The following GPC5 variants were observed in gnomAD, a reference collection of about 807,000 sequenced individuals.
The protein encoded by GPC5 is glypican 5, also known as glypican-5.
Under a neutral mutation model 53.9 loss-of-function variants are expected in GPC5, and 47 were observed. That is an observed-to-expected ratio of 0.87 (90% CI 0.69 to 1.11). GPC5 has a LOEUF of 1.11. Ranked by LOEUF, GPC5 falls within the 50% of genes most tolerant of loss-of-function variation. The pLI is 0.00. For missense variants in GPC5, 748 were observed against 713.1 expected, an observed-to-expected ratio of 1.05 and a Z score of -0.56; for synonymous variants, 286 against 263.3, an observed-to-expected ratio of 1.09 and a Z score of -0.84.
At chr13:92,422,628 C>G (rs1263730201) in intron 7 of GPC5, among the ~76,000 whole-genome samples, 1 of 152,090 alleles carries the variant, frequency 6.6e-6, no homozygotes, top group Non-Finnish European at 1.5e-5. Flanking sequence ...GTTCAACTGT[C>G]TTCTTCCCAT....
intron 7 of GPC5, among the ~76,000 whole-genome samples, chr13:92,326,763 G>T (rs981184627): frequency 6.6e-6 from 1 of 152,002 alleles, no homozygotes; most frequent in African/African-American, 2.4e-5. Context: ...AAAGTAATTT[G>T]GGTAATTCTT....
chr13:91,777,575 G>A (rs980449879), intron 5 of GPC5, among the ~76,000 whole-genome samples: 10 of 152,142 alleles, frequency 6.6e-5, no homozygotes, highest in Non-Finnish European at 1.0e-4. Flanking sequence ...AGTATGTTCC[G>A]TGAAGGCGCT....
chr13:91,935,412 A>G (rs979487699), intron 6 of GPC5, among the ~76,000 whole-genome samples: 5 of 151,970 alleles, frequency 3.3e-5, no homozygotes, highest in African/African-American at 1.2e-4. Flanking sequence ...GAAACCAGAG[A>G]GCTACTAGTT....
rs2042297718 is a variant in GPC5 at position 92,201,887 on chromosome 13, G to A, written c.1561+56898G>A. 3.3e-5 allele frequency among the ~76,000 whole-genome samples: 5 copies of A among 152,226 alleles called. No homozygotes were observed. In the South Asian group the frequency reaches 1.0e-3, roughly 32 times the overall value. Reference sequence around the variant, plus strand: ...GATGTCAACAAAATACAGTAATAAGGGAAATTGATTTTTACTTCATGGAAG... The same window carrying A: ...GATGTCAACAAAATACAGTAATAAGAGAAATTGATTTTTACTTCATGGAAG... On this transcript the variant is annotated intron_variant, in intron 7 of 7. Coordinates refer to ENST00000377067, the MANE Select transcript of GPC5 (RefSeq NM_004466.6).
chr13:92,711,850 A>G (rs1313763606), intron 7 of GPC5, among the ~76,000 whole-genome samples: 1 of 152,052 alleles, frequency 6.6e-6, no homozygotes, highest in African/African-American at 2.4e-5. Context: ...AAGTTTCAAG[A>G]GAAAAAAATA....
chr13:91,590,064 G>T (rs149625022), intron 2 of GPC5, among the ~76,000 whole-genome samples: 2 of 151,534 alleles, frequency 1.3e-5, no homozygotes, highest in African/African-American at 2.4e-5. Flanking sequence ...TCAATATTTT[G>T]TTTTATAAAT....
intron 2 of GPC5, among the ~76,000 whole-genome samples, chr13:91,615,956 G>C (rs1026184486): frequency 6.6e-6 from 1 of 152,024 alleles, no homozygotes; most frequent in South Asian, 2.1e-4. Context: ...CTGAGAATCA[G>C]ATTTACCATT....
intron 7 of GPC5, among the ~76,000 whole-genome samples, chr13:92,603,830 G>C (rs953784234): frequency 2.6e-5 from 4 of 152,150 alleles, no homozygotes; most frequent in Non-Finnish European, 4.4e-5. Flanking sequence ...CTTCTCCATA[G>C]CCAAAACTAC....
At chr13:91,657,515 G>A (rs893239642) in intron 2 of GPC5, among the ~76,000 whole-genome samples, 1 of 152,062 alleles carries the variant, frequency 6.6e-6, no homozygotes, top group Non-Finnish European at 1.5e-5. Context: ...GGCCAAGGGT[G>A]CTGTTTAGGA....
chr13:91,947,605 A>G, intron 6 of GPC5, among the ~76,000 whole-genome samples: 1 of 152,130 alleles, frequency 6.6e-6, no homozygotes, highest in Non-Finnish European at 1.5e-5. Context: ...AGCTCATATA[A>G]TTCTTGCTGC....
chr13:91,564,559 T>C (rs1174921367), intron 2 of GPC5, among the ~76,000 whole-genome samples: 1 of 152,138 alleles, frequency 6.6e-6, no homozygotes, highest in Non-Finnish European at 1.5e-5. Context: ...ATGAGTGAAT[T>C]TTAATGTATT....
At chr13:91,648,691 C>T (rs573999807) in intron 2 of GPC5, among the ~76,000 whole-genome samples, 2 of 149,380 alleles carry the variant, frequency 1.3e-5, no homozygotes, top group South Asian at 2.1e-4. Context: ...TGCCATAAAA[C>T]ATACATACAC....
chr13:92,259,555 A>G (rs2042750821), intron 7 of GPC5, among the ~76,000 whole-genome samples: 1 of 152,132 alleles, frequency 6.6e-6, no homozygotes, highest in South Asian at 2.1e-4. Context: ...CTACCCTATC[A>G]TTCCCATCCT....
At chr13:92,694,813 A>G (rs539740473) in intron 7 of GPC5, among the ~76,000 whole-genome samples, 5 of 152,166 alleles carry the variant, frequency 3.3e-5, no homozygotes, top group Non-Finnish European at 7.3e-5. Context: ...CTGAGATTTC[A>G]GAGGGGGGCA....
intron 7 of GPC5, among the ~76,000 whole-genome samples, chr13:92,514,231 A>C (rs1284542553): frequency 1.4e-5 from 2 of 143,490 alleles, no homozygotes; most frequent in Non-Finnish European, 3.0e-5. Flanking sequence ...ATTTTAATAT[A>C]TTTTCTCTCA....
rs1321578881 is a variant in GPC5 at position 92,390,754 on chromosome 13, A to G, written c.1561+245765A>G. ...AGAAAAAAAAGCAATTTTTCAGAAG[A>G]TGAATATGTGTTTTATCAAGTATAT... On this transcript the variant is annotated intron_variant, in intron 7 of 7. Transcript: ENST00000377067. Among the ~76,000 whole-genome samples, 3 of 152,156 alleles carry G rather than the reference A, an allele frequency of 2.0e-5. No homozygotes were observed. In the East Asian group the frequency reaches 5.8e-4, roughly 29 times the overall value.
intron 6 of GPC5, among the ~76,000 whole-genome samples, chr13:92,024,718 A>G (rs566638881): frequency 7.7e-4 from 117 of 152,144 alleles, no homozygotes; most frequent in Admixed American, 1.7e-3. Flanking sequence ...CATATTTCAA[A>G]TGACCAAACA....
chr13:92,773,194 T>C lies in GPC5; in HGVS notation c.1562-93088T>C, dbSNP rs556756634. 2.0e-4 allele frequency among the ~76,000 whole-genome samples: 30 copies of C among 152,312 alleles called. 1 individual carries two copies. In the South Asian group the frequency reaches 6.0e-3, roughly 31 times the overall value. Reference sequence around the variant, plus strand: ...TTGCTTCTGAAATAAATACACATTCTCTTTAATACTTACTATCAGCTTACA... The same window carrying C: ...TTGCTTCTGAAATAAATACACATTCCCTTTAATACTTACTATCAGCTTACA... On this transcript the variant is annotated intron_variant, in intron 7 of 7. Coordinates refer to ENST00000377067, the MANE Select transcript of GPC5 (RefSeq NM_004466.6).
At chr13:91,669,824 C>A (rs1019419799) in intron 2 of GPC5, among the ~76,000 whole-genome samples, 1 of 152,132 alleles carries the variant, frequency 6.6e-6, no homozygotes, top group Admixed American at 6.5e-5. Flanking sequence ...ACCCTAAGCC[C>A]ATTTGATTGA....
Sources: gnomAD v4.1 joint callset for allele counts (sites outside exome capture counted in the v4.1 genomes callset) on GRCh38, gnomAD v4.1.1 for gene constraint, MANE v1.5 for transcripts, NCBI Gene and HGNC (gene_info 2026-07-23, HGNC 2026-07-21) for gene names.